The following ZFX variants were observed in gnomAD, a reference collection of about 807,000 sequenced individuals.
ZFX encodes the protein zinc finger X-chromosomal protein.
For synonymous variants in ZFX, 196 were observed against 226.8 expected, an observed-to-expected ratio of 0.86 and a Z score of 1.22; for missense variants, 362 against 628.3, an observed-to-expected ratio of 0.58 and a Z score of 4.53.
At position 24,212,402 on chromosome X, in the gene ZFX, T is replaced by G. The variant is rs772266590; in HGVS notation, c.*1026T>G. On this transcript the variant is annotated 3_prime_UTR_variant, in exon 10 of 10. Coordinates refer to ENST00000304543, the MANE Select transcript of ZFX (RefSeq NM_003410.4). ...AGAGAGCATTTTGTAAGTCATGCTC[T>G]TCAGAGAGACTACTCAGGTGAAGAA... is the stretch of plus-strand genomic sequence containing the variant. 3.6e-5 allele frequency: 4 copies of G among 112,427 alleles called. No homozygotes were observed. Among genetic ancestry groups the G allele is most frequent in the African/African-American group, 9.7e-5 (3 of 30,890 alleles). 9.3% of individuals were successfully genotyped at this position (112,427 alleles called of 1,213,427 possible).
intron 5 of ZFX, among the ~76,000 whole-genome samples, chrX:24,196,322 A>T (rs2147901387): frequency 9.0e-6 from 1 of 111,385 alleles, no homozygotes; most frequent in East Asian, 2.8e-4. Context: ...CATGTTGGTC[A>T]GGCTGGTCTC....
intron 5 of ZFX, among the ~76,000 whole-genome samples, chrX:24,188,278 C>G (rs1472435215): frequency 9.1e-6 from 1 of 110,348 alleles, no homozygotes; most frequent in East Asian, 2.8e-4. Flanking sequence ...AAGATATTGA[C>G]CAAGTTTATT....
chrX:24,150,319 G>T (rs1172016965), intron 1 of ZFX, among the ~76,000 whole-genome samples: 2 of 108,025 alleles, frequency 1.9e-5, no homozygotes, highest in Admixed American at 9.6e-5. Context: ...GCCCGTGAGG[G>T]GGGGTGGGAG....
chrX:24,176,857 A>G (rs760818145), intron 4 of ZFX, among the ~76,000 whole-genome samples: 3 of 112,284 alleles, frequency 2.7e-5, no homozygotes, highest in Non-Finnish European at 3.8e-5. Context: ...GCACTAATCT[A>G]CTGAATAGCT....
At chrX:24,170,186 C>T (rs749534632) in intron 3 of ZFX, among the ~76,000 whole-genome samples, 39 of 102,876 alleles carry the variant, frequency 3.8e-4, no homozygotes, top group African/African-American at 1.2e-3. Context: ...GACAGAGTCT[C>T]GCTCTGTTGC....
intron 8 of ZFX, 105 bp from the exon 9 acceptor site, chrX:24,208,795 C>A: frequency 1.2e-6 from 1 of 854,178 alleles, no homozygotes; most frequent in Non-Finnish European, 1.6e-6. Flanking sequence ...TTCTGTCATT[C>A]ATGAGTATCA....
At chrX:24,183,712 G>A (rs1277599049) in intron 5 of ZFX, among the ~76,000 whole-genome samples, 2 of 109,122 alleles carry the variant, frequency 1.8e-5, no homozygotes, top group East Asian at 5.7e-4. Context: ...TGTATAAGGT[G>A]TATATGAAAC....
rs145591896 is a variant in ZFX at position 24,195,255 on chromosome X, G to A, written c.647-12071G>A. ...TGCACCCAGGCTGGAGTGCAGTGGCGTGATCTTGGCTCACTGAACCTCTGC... is the reference window on the plus strand; with the variant it reads ...TGCACCCAGGCTGGAGTGCAGTGGCATGATCTTGGCTCACTGAACCTCTGC... On this transcript the variant is annotated intron_variant, in intron 5 of 9. Coordinates refer to ENST00000304543, the MANE Select transcript of ZFX (RefSeq NM_003410.4). 9.2e-3 allele frequency among the ~76,000 whole-genome samples: 1,019 copies of A among 110,343 alleles called. 15 individuals carry two copies. Among genetic ancestry groups the A allele is most frequent in the African/African-American group, 0.031 (940 of 30,263 alleles).
chrX:24,149,278 G>A (rs1344972325), upstream of ZFX: 2 of 109,699 alleles, frequency 1.8e-5, no homozygotes, highest in East Asian at 5.8e-4. Context: ...AGGCCCCCGG[G>A]GGGCGGCCGC....
intron 4 of ZFX, among the ~76,000 whole-genome samples, chrX:24,176,754 T>C (rs1270057068): frequency 9.1e-6 from 1 of 110,298 alleles, no homozygotes; most frequent in Non-Finnish European, 1.9e-5. Context: ...GGTTGTTGAT[T>C]AAGCTGTGTA....
In ZFX at chrX:24,210,720, T is replaced by G; in HGVS notation, c.1762T>G (p.Ser588Ala). The change falls in exon 10 of 10, where the codon TCT (serine) becomes GCT (alanine). Residue 588 changes from serine (S) to alanine (A), a missense_variant. Transcript: ENST00000304543. ...GTACTGCGAATATAGGTCTGCAGACTCTTCTAACTTGAAAACGCATGTCAA... is the reference window on the plus strand; with the variant it reads ...GTACTGCGAATATAGGTCTGCAGACGCTTCTAACTTGAAAACGCATGTCAA... ...CQYCEYRSAD[S>A]SNLKTHVKTK... is the part of the protein sequence containing the mutation. The G allele has an allele frequency of 8.3e-7, 1 of 1,211,260 alleles. No homozygotes were observed. The highest frequency in any genetic ancestry group is 1.1e-6 in the Non-Finnish European group (1 of 895,437).
intron 3 of ZFX, among the ~76,000 whole-genome samples, chrX:24,153,610 T>C (rs1932470123): frequency 8.9e-6 from 1 of 112,143 alleles, no homozygotes; most frequent in Non-Finnish European, 1.9e-5. Flanking sequence ...CACAGCATGT[T>C]AACAGGTGTG....
chrX:24,212,499 G>C lies in ZFX; in HGVS notation c.*1123G>C, dbSNP rs763889865. ...TTTCTTTTAAATATCTTTGGTAATT[G>C]AAACATAGAGGTTAAGATGTTTCTA... On this transcript the variant is annotated 3_prime_UTR_variant, in exon 10 of 10. Coordinates refer to ENST00000304543, the MANE Select transcript of ZFX (RefSeq NM_003410.4). 6 of 112,085 alleles carry C rather than the reference G, an allele frequency of 5.4e-5. No individual in the cohort carries two copies. The highest frequency in any genetic ancestry group is 9.4e-5 in the Non-Finnish European group (5 of 53,147). 9.2% of individuals were successfully genotyped at this position (112,085 alleles called of 1,213,427 possible).
In ZFX at chrX:24,149,810, C is replaced by T; in HGVS notation, c.-250+16C>T. On this transcript the variant is annotated intron_variant, in intron 1 of 9. Coordinates refer to ENST00000304543, the MANE Select transcript of ZFX (RefSeq NM_003410.4). ...CGTCCGTCCGGTGAGTCCCGGGTGCCGCCGCGGCCGCGGGGCCTAGTGCGC... is the reference window on the plus strand; with the variant it reads ...CGTCCGTCCGGTGAGTCCCGGGTGCTGCCGCGGCCGCGGGGCCTAGTGCGC... The T allele has an allele frequency of 9.1e-6, 1 of 110,134 alleles. No homozygotes were observed. Among genetic ancestry groups the T allele is most frequent in the East Asian group, 2.9e-4 (1 of 3,405 alleles). 9.1% of individuals were successfully genotyped at this position (110,134 alleles called of 1,213,427 possible).
At chrX:24,178,429 C>T (rs1329977190) in intron 4 of ZFX, among the ~76,000 whole-genome samples, 1 of 108,304 alleles carries the variant, frequency 9.2e-6, no homozygotes, top group African/African-American at 3.4e-5. Flanking sequence ...ACTGGGACTA[C>T]AGGCGCTCGC....
At chrX:24,162,274 T>C (rs1354799784) in intron 3 of ZFX, among the ~76,000 whole-genome samples, 1 of 111,613 alleles carries the variant, frequency 9.0e-6, no homozygotes, top group East Asian at 2.8e-4. Flanking sequence ...ATTACTCTTA[T>C]CAGTGGGATT....
rs760468141 is a variant in ZFX at position 24,154,538 on chromosome X, A to C, written c.-29+1708A>C. 2.7e-5 allele frequency among the ~76,000 whole-genome samples: 3 copies of C among 112,001 alleles called. No homozygotes were observed. The South Asian group carries it at 1.1e-3, about 41-fold the overall frequency. ...TCCTGGGGATCCCTAAGATTCTTTC[A>C]GGGGGTCCATGAGGTCAAAACTATT... On this transcript the variant is annotated intron_variant, in intron 3 of 9. Coordinates refer to ENST00000304543, the MANE Select transcript of ZFX (RefSeq NM_003410.4).
intron 1 of ZFX, among the ~76,000 whole-genome samples, chrX:24,151,139 CTG>C (rs1932063712): frequency 8.9e-6 from 1 of 112,361 alleles, no homozygotes; most frequent in Non-Finnish European, 1.9e-5. Flanking sequence ...TGATTGCACA[CTG>C]TGCAACTTTC....
chrX:24,193,429 G>A (rs982815539), intron 5 of ZFX, among the ~76,000 whole-genome samples: 83 of 111,936 alleles, frequency 7.4e-4, no homozygotes, highest in African/African-American at 2.5e-3. Flanking sequence ...CAGGAGATTG[G>A]GGGAAGAATG....
Sources: gnomAD v4.1 joint callset for allele counts (sites outside exome capture counted in the v4.1 genomes callset) on GRCh38, gnomAD v4.1.1 for gene constraint, MANE v1.5 for transcripts, NCBI Gene and HGNC (gene_info 2026-07-23, HGNC 2026-07-21) for gene names.